Variants in FAN1 observed in about 807,000 individuals in gnomAD.
FAN1 encodes the protein fanconi-associated nuclease 1.
Under a neutral mutation model 104.9 loss-of-function variants are expected in FAN1, and 91 were observed. The observed-to-expected ratio is 0.87, with a 90% CI of 0.73 to 1.03. FAN1 has a LOEUF of 1.03. FAN1 is among the 50% of genes least tolerant of loss of function. FAN1 has a pLI of 0.00. For missense variants in FAN1, 1,263 were observed against 1,239.9 expected, an observed-to-expected ratio of 1.02 and a Z score of -0.28; for synonymous variants, 478 against 457.6, an observed-to-expected ratio of 1.04 and a Z score of -0.57.
intron 4 of FAN1, chr15:30,911,333 A>C (rs564656167): frequency 9.1e-6 from 9 of 984,912 alleles, no homozygotes; most frequent in Non-Finnish European, 1.1e-5. Flanking sequence ...TGTTATTTAT[A>C]TAATCAAACT....
At chr15:30,914,149 G>T in intron 5 of FAN1, 58 bp downstream of exon 5, 1 of 1,303,306 alleles carries the variant, frequency 7.7e-7, no homozygotes, top group East Asian at 2.3e-5. Context: ...TTTAGTAAAA[G>T]GTTTTGTTAT....
At chr15:30,940,220 GCTT>G in intron 14 of FAN1, 1 of 985,308 alleles carries the variant, frequency 1.0e-6, no homozygotes, top group African/African-American at 1.7e-5. Flanking sequence ...GCTGTAAGAA[GCTT>G]CAGCTTTGAC....
chr15:30,941,404 T>C (rs547375227), intron 14 of FAN1, 162 bp from the exon 15 acceptor site: 1 of 1,560,180 alleles, frequency 6.4e-7, no homozygotes, highest in Non-Finnish European at 8.7e-7. Context: ...ACGCCTAGGT[T>C]AGCAATGTTA....
intron 14 of FAN1, chr15:30,939,262 C>G: frequency 2.0e-6 from 2 of 985,448 alleles, no homozygotes; most frequent in Non-Finnish European, 2.4e-6. Context: ...CACTGTACAC[C>G]TTTACGTTCA....
intron 13 of FAN1, among the ~76,000 whole-genome samples, chr15:30,935,380 T>G (rs919304543): frequency 6.6e-6 from 1 of 152,148 alleles, no homozygotes; most frequent in Non-Finnish European, 1.5e-5. Flanking sequence ...TTACAGTAGT[T>G]AGCCCTCTGT....
intron 4 of FAN1, among the ~76,000 whole-genome samples, chr15:30,913,589 A>G (rs1294287427): frequency 2.0e-5 from 3 of 152,254 alleles, no homozygotes; most frequent in Non-Finnish European, 4.4e-5. Flanking sequence ...TGAAGCACTC[A>G]TGACCAGGGT....
intron 8 of FAN1, among the ~76,000 whole-genome samples, chr15:30,923,971 T>C (rs1657677795): frequency 1.3e-5 from 2 of 152,326 alleles, no homozygotes; most frequent in African/African-American, 4.8e-5. Flanking sequence ...ACAGAAACAC[T>C]GCAGCCATTA....
At chr15:30,922,998 T>C (rs1334831344) in intron 8 of FAN1, among the ~76,000 whole-genome samples, 2 of 152,088 alleles carry the variant, frequency 1.3e-5, no homozygotes, top group African/African-American at 2.4e-5. Context: ...TGGTTCTTTG[T>C]GTGGCCGCCA....
At position 30,941,984 on chromosome 15, in the gene FAN1, G is replaced by GA; in HGVS notation, c.*424dup. The GA allele has an allele frequency of 1.2e-6, 2 of 1,613,992 alleles. No homozygotes were observed. The highest frequency in any genetic ancestry group is 1.7e-6 in the Non-Finnish European group (2 of 1,179,892). ...ATCTGGCTTTGGTTTTAATATCAATGAATTTCTCCTTGGAAGTAATTCTTG... is the reference window on the plus strand; with the variant it reads ...ATCTGGCTTTGGTTTTAATATCAATGAAATTTCTCCTTGGAAGTAATTCTTG... On this transcript the variant is annotated 3_prime_UTR_variant, in exon 15 of 15. Transcript: ENST00000362065.
chr15:30,926,713 C>G, intron 10 of FAN1: 1 of 985,402 alleles, frequency 1.0e-6, no homozygotes, highest in Non-Finnish European at 1.2e-6. Context: ...ACATTCAAGG[C>G]CCCGAGAGAC....
chr15:30,910,624 G>A lies in FAN1; in HGVS notation c.1386G>A (p.Leu462=). The A allele has an allele frequency of 6.4e-7, 1 of 1,569,656 alleles. No individual in the cohort carries two copies. Among genetic ancestry groups the A allele is most frequent in the Non-Finnish European group, 8.6e-7 (1 of 1,157,822 alleles). The part of the protein sequence containing the change: ...NAGFLQTESE[L]QELSEVLELL... ...TTTTAACCATTTCAGAATCTGAGTT[G>A]CAAGAACTCTCTGAAGTGCTTGAAC... is the stretch of plus-strand genomic sequence containing the variant. Residue 462 remains leucine (L), a synonymous_variant, in exon 4 of 15, where the codon TTG becomes TTA. Transcript: ENST00000362065.
intron 4 of FAN1, 93 bp downstream of exon 4, chr15:30,910,908 G>A: frequency 6.9e-7 from 1 of 1,446,316 alleles, no homozygotes; most frequent in Non-Finnish European, 9.2e-7. Flanking sequence ...AACTGTAATT[G>A]TTTATTTCAG....
Position 30,941,572 on chromosome 15 carries a change from T to G in FAN1, c.*10T>G, listed in dbSNP as rs763785595. ...AAATGCTTCGTCTGCACAGATTCCC[T>G]ACAGGAGAAAATGGAAATGAGGAGG... On this transcript the variant is annotated 3_prime_UTR_variant, in exon 15 of 15. Coordinates refer to ENST00000362065, the MANE Select transcript of FAN1 (RefSeq NM_014967.5). 5.0e-6 allele frequency: 8 copies of G among 1,600,970 alleles called. No homozygotes were observed. Among genetic ancestry groups the G allele is most frequent in the Non-Finnish European group, 6.8e-6 (8 of 1,173,136 alleles).
intron 9 of FAN1, 42 bp downstream of exon 9, chr15:30,925,333 T>TA (rs1428801508): frequency 6.4e-7 from 1 of 1,573,934 alleles, no homozygotes; most frequent in African/African-American, 1.4e-5. Flanking sequence ...TAGGCGCGTG[T>TA]ACCTGGTTTT....
rs937119347 is a variant in FAN1 at position 30,920,680 on chromosome 15, C to T, written c.2052+27C>T. ...TTAGAGCACAGGTCCCTGCCCCCCA[C>T]CATTACTGATGTGATGGCGTTAAAC... On this transcript the variant is annotated intron_variant, in intron 7 of 14. Coordinates refer to ENST00000362065, the MANE Select transcript of FAN1 (RefSeq NM_014967.5). The T allele has an allele frequency of 5.2e-6, 7 of 1,337,060 alleles. No individual in the cohort carries two copies. In the African/African-American group the frequency reaches 5.9e-5, roughly 11 times the overall value. The allele number at this position is 1,337,060 out of a possible 1,614,324, so 82.8% of individuals were successfully genotyped here.
At chr15:30,930,844 C>A (rs1595879879) in intron 13 of FAN1, among the ~76,000 whole-genome samples, 173 bp downstream of exon 13, 2 of 152,194 alleles carry the variant, frequency 1.3e-5, no homozygotes, top group African/African-American at 4.8e-5. Context: ...TTCATCAGAG[C>A]AGGCGGGTGA....
Position 30,904,646 on chromosome 15 carries a change from C to T in FAN1, c.-18C>T. On this transcript the variant is annotated 5_prime_UTR_variant, in exon 2 of 15. Coordinates refer to ENST00000362065, the MANE Select transcript of FAN1 (RefSeq NM_014967.5). ...TCCTGTGTTTTATTGCTCAGAACAT[C>T]CAGTTTTTCTAATACTCATGATGTC... 6.2e-7 allele frequency: 1 copy of T among 1,607,858 alleles called. No homozygotes were observed. The highest frequency in any genetic ancestry group is 8.5e-7 in the Non-Finnish European group (1 of 1,177,674).
In FAN1 at chr15:30,942,308, G is replaced by A; in HGVS notation, c.*746G>A. On this transcript the variant is annotated 3_prime_UTR_variant, in exon 15 of 15. Coordinates refer to ENST00000362065, the MANE Select transcript of FAN1 (RefSeq NM_014967.5). ...CAGCCTGAATGGGGGCGGGATGAGAGTACCTCCTATCCACTAATTTGCTTA... is the reference window on the plus strand; with the variant it reads ...CAGCCTGAATGGGGGCGGGATGAGAATACCTCCTATCCACTAATTTGCTTA... 1.7e-6 allele frequency: 1 copy of A among 577,534 alleles called. No homozygotes were observed. Among genetic ancestry groups the A allele is most frequent in the Admixed American group, 3.2e-5 (1 of 31,234 alleles). The allele number at this position is 577,534 out of a possible 1,614,324, so 35.8% of individuals were successfully genotyped here.
At position 30,928,394 on chromosome 15, in the gene FAN1, A is replaced by G. The variant is rs1050651875; in HGVS notation, c.2489-159A>G. On this transcript the variant is annotated intron_variant, in intron 10 of 14. Coordinates refer to ENST00000362065, the MANE Select transcript of FAN1 (RefSeq NM_014967.5). ...ACATACTGTATAAAATAAACTGGGAATGGCGTGAAAACAGCATTTGCTTCT... is the reference window on the plus strand; with the variant it reads ...ACATACTGTATAAAATAAACTGGGAGTGGCGTGAAAACAGCATTTGCTTCT... 7 of 1,455,756 alleles carry G rather than the reference A, an allele frequency of 4.8e-6. No homozygotes were observed. The African/African-American group carries it at 1.0e-4, about 21-fold the overall frequency. 90.2% of individuals were successfully genotyped at this position (1,455,756 alleles called of 1,614,324 possible).
Sources: gnomAD v4.1 joint callset for allele counts (sites outside exome capture counted in the v4.1 genomes callset) on GRCh38, gnomAD v4.1.1 for gene constraint, MANE v1.5 for transcripts, NCBI Gene and HGNC (gene_info 2026-07-23, HGNC 2026-07-21) for gene names.